GALNT2: variants seen among roughly 807,000 people sequenced by gnomAD.
GALNT2 encodes polypeptide N-acetylgalactosaminyltransferase 2.
GALNT2 carries 31 observed loss-of-function variants against 81.4 expected under a neutral mutation model. That is an observed-to-expected ratio of 0.38 (90% CI 0.29 to 0.51). The LOEUF (loss-of-function observed/expected upper bound fraction) is 0.51. GALNT2 is among the 20% of genes least tolerant of loss of function. The pLI, the probability that GALNT2 is intolerant of heterozygous loss-of-function variation, is 0.87. For synonymous variants in GALNT2, 303 were observed against 287.4 expected, an observed-to-expected ratio of 1.05 and a Z score of -0.55; for missense variants, 629 against 765.7, an observed-to-expected ratio of 0.82 and a Z score of 2.11.
At chr1:230,214,736 C>T (rs761624411) in intron 3 of GALNT2, among the ~76,000 whole-genome samples, 2 of 152,188 alleles carry the variant, frequency 1.3e-5, no homozygotes, top group African/African-American at 2.4e-5. Flanking sequence ...TCTCCTCTTC[C>T]TCTGAGACCC....
In GALNT2 at chr1:230,262,637, C is replaced by T. The variant is rs1665912024; in HGVS notation, c.1201C>T (p.Pro401Ser). The change falls in exon 12 of 16, where the codon CCT becomes TCT. Residue 401 changes from proline to serine, a missense_variant. Transcript: ENST00000366672. ...CAAAAATTTCTATTATGCAGCAGTG[C>T]CTTCTGCTAGAAACGTTCCTTATGG... ...EYKNFYYAAV[P>S]SARNVPYGNI... is the part of the protein sequence containing the mutation. 2 of 1,613,780 alleles carry T rather than the reference C, an allele frequency of 1.2e-6. No homozygotes were observed. Among genetic ancestry groups the T allele is most frequent in the South Asian group, 1.1e-5 (1 of 91,074 alleles).
intron 14 of GALNT2, among the ~76,000 whole-genome samples, chr1:230,270,083 C>T (rs925453686): frequency 3.3e-5 from 5 of 152,100 alleles, no homozygotes; most frequent in Admixed American, 3.3e-4. Context: ...CACCTGTAAT[C>T]CCAGCTACTC....
chr1:230,120,727 A>G (rs1161136180), intron 1 of GALNT2, among the ~76,000 whole-genome samples: 1 of 151,952 alleles, frequency 6.6e-6, no homozygotes, highest in East Asian at 1.9e-4. Context: ...TGGGAGAGAA[A>G]ACTTCCCTCA....
At chr1:230,221,200 A>G (rs1367152229) in intron 3 of GALNT2, among the ~76,000 whole-genome samples, 1 of 152,164 alleles carries the variant, frequency 6.6e-6, no homozygotes, top group East Asian at 1.9e-4. Flanking sequence ...AATACATAGG[A>G]AATATTTTCT....
rs41315597 is a variant in GALNT2, at chr1:230,255,488, C to T, written c.1136+144C>T. 134,739 of 1,086,932 alleles carry T rather than the reference C, an allele frequency of 0.12. 9,087 individuals are homozygous for T. Among genetic ancestry groups the T allele is most frequent in the African/African-American group, 0.22 (14,155 of 64,306 alleles). The allele number at this position is 1,086,932 out of a possible 1,614,324, so 67.3% of individuals were successfully genotyped here. A position where few individuals can be genotyped will look rare whatever the true frequency, so the allele number is the denominator to read the frequency against. ...GGAATACCACTTAGCAATTGAAAGGCGCATTCCACGGATGCAGGATACAAC... is the reference window on the plus strand; with the variant it reads ...GGAATACCACTTAGCAATTGAAAGGTGCATTCCACGGATGCAGGATACAAC... On this transcript the variant is annotated intron_variant, in intron 11 of 15. Transcript: ENST00000366672.
intron 1 of GALNT2, among the ~76,000 whole-genome samples, chr1:230,134,582 G>C (rs909452773): frequency 6.6e-6 from 1 of 152,198 alleles, no homozygotes; most frequent in East Asian, 1.9e-4. Context: ...TTGGGCCCAG[G>C]AGGAGGGTAT....
At chr1:230,098,526 C>T (rs914052298) in intron 1 of GALNT2, among the ~76,000 whole-genome samples, 1 of 151,618 alleles carries the variant, frequency 6.6e-6, no homozygotes, top group African/African-American at 2.4e-5. Context: ...TTAATAGAGA[C>T]CTACAAGCAG....
At chr1:230,226,046 C>T (rs1390454118) in intron 3 of GALNT2, among the ~76,000 whole-genome samples, 2 of 152,178 alleles carry the variant, frequency 1.3e-5, no homozygotes, top group African/African-American at 4.8e-5. Flanking sequence ...AAGCAACTGC[C>T]CTTACCGCAG....
chr1:230,222,968 A>C (rs532024745), intron 3 of GALNT2, among the ~76,000 whole-genome samples: 22 of 152,290 alleles, frequency 1.4e-4, no homozygotes, highest in African/African-American at 5.3e-4. Context: ...TATTTTTTAA[A>C]AGCTAGTAAC....
At chr1:230,150,761 G>A (rs896211907) in intron 1 of GALNT2, among the ~76,000 whole-genome samples, 1 of 152,250 alleles carries the variant, frequency 6.6e-6, no homozygotes, top group African/African-American at 2.4e-5. Context: ...GGGAGGCACA[G>A]ACACACACTC....
In GALNT2 at chr1:230,262,994, T is replaced by C. The variant is rs555421599; in HGVS notation, c.1302T>C (p.Tyr434=). 38 of 1,613,942 alleles carry C rather than the reference T, an allele frequency of 2.4e-5. No homozygotes were observed. In the South Asian group the frequency reaches 3.6e-4, roughly 15 times the overall value. ...TCAAATGGTACCTTGAAAATGTCTA[T>C]CCAGAGTTAAGGTAAGTCCCCAGGG... ...KPFKWYLENV[Y]PELRVPDHQD... is the part of the protein sequence containing the mutation. The change falls in exon 13 of 16, where the codon TAT becomes TAC. Residue 434 remains tyrosine (Y), a synonymous_variant. Transcript: ENST00000366672.
At position 230,156,039 on chromosome 1, in the gene GALNT2, G is replaced by A. The variant is rs142455433; in HGVS notation, c.127-22179G>A. Among the ~76,000 whole-genome samples, 8 of 152,208 alleles carry A rather than the reference G, an allele frequency of 5.3e-5. 1 individual carries two copies. Among genetic ancestry groups the A allele is most frequent in the African/African-American group, 1.9e-4 (8 of 41,516 alleles). On this transcript the variant is annotated intron_variant, in intron 1 of 15. Coordinates refer to ENST00000366672, the MANE Select transcript of GALNT2 (RefSeq NM_004481.5). ...CCTGGTCATGGGGCTCAGTCTGTGG[G>A]TGGGTGATAGAAGAGTAAAGCTTTT...
upstream of GALNT2, chr1:230,057,877 G>C (rs1658951184): frequency 5.6e-5 from 20 of 355,834 alleles, no homozygotes; most frequent in South Asian, 3.9e-4. Flanking sequence ...ACAGGCAGGA[G>C]GGGTAGGAAA....
intron 1 of GALNT2, among the ~76,000 whole-genome samples, chr1:230,078,449 A>G (rs7550388): frequency 0.021 from 3,170 of 152,310 alleles, 113 homozygotes; most frequent in African/African-American, 0.072. Flanking sequence ...GAAAACTAGT[A>G]TTTTTGTAAA....
At chr1:230,112,153 C>G (rs1451269469) in intron 1 of GALNT2, among the ~76,000 whole-genome samples, 1 of 152,206 alleles carries the variant, frequency 6.6e-6, no homozygotes, top group African/African-American at 2.4e-5. Flanking sequence ...CTCCTCCAGG[C>G]CAGGTGGCTG....
chr1:230,256,921 G>A (rs983482967), intron 11 of GALNT2, among the ~76,000 whole-genome samples: 8 of 152,206 alleles, frequency 5.3e-5, no homozygotes, highest in African/African-American at 1.7e-4. Flanking sequence ...GAGAACCTTT[G>A]AGGAGGTGTT....
intron 3 of GALNT2, among the ~76,000 whole-genome samples, chr1:230,223,091 G>C (rs1427611178): frequency 6.6e-6 from 1 of 151,874 alleles, no homozygotes; most frequent in Admixed American, 6.6e-5. Context: ...AGTGCTAGGA[G>C]TTTCTGCTTA....
At chr1:230,211,897 G>C (rs190381808) in intron 3 of GALNT2, among the ~76,000 whole-genome samples, 2 of 152,314 alleles carry the variant, frequency 1.3e-5, no homozygotes, top group East Asian at 3.9e-4. Context: ...CTTCCAGAAA[G>C]TAGAAGAGTT....
chr1:230,193,587 CT>C lies in GALNT2; in HGVS notation c.221-9540del, dbSNP rs112513027. ...GGTCAGTTTTATAGGTTTCTGTCAT[CT>C]TTTTTTTTTCAAATATAAGGTTTAG... On this transcript the variant is annotated intron_variant, in intron 2 of 15. Coordinates refer to ENST00000366672, the MANE Select transcript of GALNT2 (RefSeq NM_004481.5). The surrounding 1 kb of genome is among the most constrained non-coding windows in gnomAD (Gnocchi z 4.3). Among the ~76,000 whole-genome samples, 4 of 148,558 alleles carry C rather than the reference CT, an allele frequency of 2.7e-5. No individual in the cohort carries two copies. Among genetic ancestry groups the C allele is most frequent in the East Asian group, 2.0e-4 (1 of 5,072 alleles).
Sources: gnomAD v4.1 joint callset for allele counts (sites outside exome capture counted in the v4.1 genomes callset) on GRCh38, gnomAD v4.1.1 for gene constraint, Gnocchi (gnomAD v3.1) non-coding constraint, MANE v1.5 for transcripts, NCBI Gene and HGNC (gene_info 2026-07-23, HGNC 2026-07-21) for gene names.